The following MSI2 variants were observed in gnomAD, a reference collection of about 807,000 sequenced individuals.
MSI2 encodes RNA-binding protein Musashi homolog 2.
MSI2 carries 17 observed loss-of-function variants against 45.6 expected under a neutral mutation model. The ratio of observed to expected loss-of-function variants is 0.37; its 90% CI spans 0.26 to 0.56. The LOEUF (loss-of-function observed/expected upper bound fraction) is 0.56. MSI2 is among the 20% of genes least tolerant of loss of function. MSI2 has a pLI of 0.77. For synonymous variants in MSI2, 156 were observed against 158.2 expected (o/e 0.99, Z 0.11); for missense variants, 293 against 444.2 (o/e 0.66, Z 3.06).
the MSI2 span, among the ~76,000 whole-genome samples, chr17:57,698,892 AGTGTGTGTGTGTGTGTGTGT>A: frequency 2.5e-5 from 3 of 118,700 alleles, no homozygotes; most frequent in South Asian, 3.2e-4. Context: ...GATACAAGGA[AGTGTGTGTGTGTGTGTGTGT>A]GTGTGTGTGT....
intron 9 of MSI2, chr17:57,626,021 G>C (rs963515285): frequency 6.6e-6 from 1 of 152,212 alleles, no homozygotes; most frequent in Non-Finnish European, 1.5e-5. Context: ...TCCGTCTGTC[G>C]AGCCCAGGTT....
At chr17:57,577,567 A>G (rs1245646363) in intron 7 of MSI2, among the ~76,000 whole-genome samples, 1 of 152,198 alleles carries the variant, frequency 6.6e-6, no homozygotes, top group African/African-American at 2.4e-5. Context: ...CAAGCAAGAG[A>G]AAAGGATAAA....
intron 7 of MSI2, among the ~76,000 whole-genome samples, chr17:57,579,779 A>C (rs1204865599): frequency 6.6e-6 from 1 of 152,196 alleles, no homozygotes; most frequent in Non-Finnish European, 1.5e-5. Flanking sequence ...GAACTGTGCC[A>C]GGCTTCGGTG....
intron 6 of MSI2, among the ~76,000 whole-genome samples, chr17:57,468,816 A>G (rs1208714579): frequency 6.6e-6 from 1 of 152,096 alleles, no homozygotes; most frequent in African/African-American, 2.4e-5. Flanking sequence ...GCAGCTGAGG[A>G]TGGCGAGCGC....
intron 7 of MSI2, among the ~76,000 whole-genome samples, chr17:57,568,866 T>C (rs1483605924): frequency 6.6e-6 from 1 of 152,094 alleles, no homozygotes; most frequent in Non-Finnish European, 1.5e-5. Context: ...GTGGTGTTTA[T>C]TGGTGAGAGA....
intron 6 of MSI2, among the ~76,000 whole-genome samples, chr17:57,487,796 C>T (rs1244948026): frequency 3.3e-5 from 5 of 151,488 alleles, no homozygotes; most frequent in African/African-American, 1.2e-4. Flanking sequence ...TTGTGAACTC[C>T]CATAGCCATC....
chr17:57,507,186 G>C (rs1159197787), intron 6 of MSI2, among the ~76,000 whole-genome samples: 1 of 143,636 alleles, frequency 7.0e-6, no homozygotes, highest in Non-Finnish European at 1.5e-5. Flanking sequence ...GGGGGGGGGG[G>C]GTGTAAATCT....
chr17:57,258,570 G>T (rs1411455999), intron 4 of MSI2, among the ~76,000 whole-genome samples: 3 of 152,250 alleles, frequency 2.0e-5, no homozygotes, highest in Non-Finnish European at 4.4e-5. Context: ...GGCTGCCAAG[G>T]TTAGGCTTGG....
At chr17:57,579,317 A>G (rs1242335426) in intron 7 of MSI2, among the ~76,000 whole-genome samples, 1 of 152,180 alleles carries the variant, frequency 6.6e-6, no homozygotes, top group African/African-American at 2.4e-5. Flanking sequence ...AGTTGGGGAA[A>G]GCTCTGCTGT....
intron 7 of MSI2, among the ~76,000 whole-genome samples, chr17:57,570,069 T>C (rs2087837554): frequency 6.6e-6 from 1 of 152,200 alleles, no homozygotes; most frequent in Non-Finnish European, 1.5e-5. Context: ...ATATGATGGA[T>C]GATTACACAT....
At chr17:57,654,565 A>G (rs1911446498) in intron 11 of MSI2, among the ~76,000 whole-genome samples, 1 of 152,180 alleles carries the variant, frequency 6.6e-6, no homozygotes, top group Non-Finnish European at 1.5e-5. Context: ...GCATCAGTCT[A>G]GGCCACAGAG....
intron 7 of MSI2, among the ~76,000 whole-genome samples, chr17:57,549,585 G>A (rs988150586): frequency 2.0e-5 from 3 of 152,206 alleles, no homozygotes; most frequent in Admixed American, 6.5e-5. Context: ...ATGGATGAAT[G>A]AGAATAGTCA....
chr17:57,419,142 A>G (rs1299925155), intron 6 of MSI2, among the ~76,000 whole-genome samples: 1 of 150,510 alleles, frequency 6.6e-6, no homozygotes, highest in Non-Finnish European at 1.5e-5. Context: ...TTCTCTGAAA[A>G]TTCGTCATTT....
At chr17:57,455,444 G>A (rs2085094856) in intron 6 of MSI2, among the ~76,000 whole-genome samples, 1 of 152,116 alleles carries the variant, frequency 6.6e-6, no homozygotes, top group Non-Finnish European at 1.5e-5. Context: ...GCAGCCGCTT[G>A]TGTTTTAAAA....
chr17:57,437,990 C>A (rs2084721600), intron 6 of MSI2, among the ~76,000 whole-genome samples: 1 of 152,198 alleles, frequency 6.6e-6, no homozygotes, highest in Non-Finnish European at 1.5e-5. Context: ...GCCACAGGTG[C>A]TGTGAAAAGA....
intron 5 of MSI2, among the ~76,000 whole-genome samples, chr17:57,281,515 C>T (rs1228955999): frequency 6.6e-6 from 1 of 152,180 alleles, no homozygotes; most frequent in East Asian, 1.9e-4. Flanking sequence ...TTGCCACTCT[C>T]CCTCCATCCC....
chr17:57,522,610 A>T (rs147349775), intron 6 of MSI2: 1 of 152,110 alleles, frequency 6.6e-6, no homozygotes, highest in Non-Finnish European at 1.5e-5. Flanking sequence ...TCTGGAGTCC[A>T]TGTTAGCATT....
chr17:57,394,340 G>A (rs2083850505), intron 5 of MSI2, among the ~76,000 whole-genome samples: 1 of 152,196 alleles, frequency 6.6e-6, no homozygotes, highest in Non-Finnish European at 1.5e-5. Flanking sequence ...CTGAGTCTTG[G>A]TTTCCTTATC....
chr17:57,398,472 A>C (rs1339177906), intron 5 of MSI2, among the ~76,000 whole-genome samples: 3 of 152,272 alleles, frequency 2.0e-5, no homozygotes, highest in Admixed American at 6.5e-5. Flanking sequence ...CCCATCTGAA[A>C]GCATGTAGAG....
Sources: allele counts gnomAD v4.1 joint callset (sites outside exome capture counted in the v4.1 genomes callset), GRCh38; gene constraint gnomAD v4.1.1; transcripts MANE v1.5; gene names NCBI Gene and HGNC (gene_info 2026-07-23, HGNC 2026-07-21).